Variants in RNF214 observed in about 807,000 individuals in gnomAD.
RNF214 encodes ring finger protein 214.
Under a neutral mutation model 75.9 loss-of-function variants are expected in RNF214, and 25 were observed. The ratio of observed to expected loss-of-function variants is 0.33; its 90% CI spans 0.24 to 0.46. The LOEUF (loss-of-function observed/expected upper bound fraction) is 0.46. RNF214 is among the 20% of genes least tolerant of loss of function. The pLI is 1.00. For missense variants in RNF214, 725 were observed against 857.5 expected (o/e 0.85, Z 1.93); for synonymous variants, 314 against 308.8 (o/e 1.02, Z -0.18).
intron 6 of RNF214, among the ~76,000 whole-genome samples, chr11:117,256,639 A>G (rs548798831): frequency 6.6e-6 from 1 of 152,298 alleles, no homozygotes; most frequent in East Asian, 1.9e-4. Flanking sequence ...CTTACATGGT[A>G]GCCCAGAGCT....
intron 3 of RNF214, 52 bp from the exon 4 acceptor site, chr11:117,239,749 C>G (rs1474489120): frequency 5.1e-6 from 5 of 985,404 alleles, no homozygotes; most frequent in Non-Finnish European, 8.1e-6. Flanking sequence ...GTGATTCTGC[C>G]TCTTTTAAAG....
intron 6 of RNF214, among the ~76,000 whole-genome samples, chr11:117,261,784 T>G (rs976123345): frequency 9.9e-5 from 15 of 151,776 alleles, no homozygotes; most frequent in Non-Finnish European, 1.8e-4. Context: ...TAGCTGGGAT[T>G]ACTGGTGCCT....
At chr11:117,248,836 A>G (rs523366) in intron 6 of RNF214, among the ~76,000 whole-genome samples, 110,038 of 152,200 alleles carry the variant, frequency 0.72, 41,453 homozygotes, top group East Asian at 0.95. Flanking sequence ...TAGCAACTTA[A>G]CAGGAGATAT....
Position 117,250,556 on chromosome 11 carries a change from A to G in RNF214, c.959+3608A>G, listed in dbSNP as rs143387110. On this transcript the variant is annotated intron_variant, in intron 6 of 14. Transcript: ENST00000300650. ...GCAAAAAAAATGCAACAACTGGTAA[A>G]TTTAGATGACAGGTAGACATTCATT... 7.1e-3 allele frequency among the ~76,000 whole-genome samples: 1,075 copies of G among 151,924 alleles called. 9 individuals are homozygous for G. The highest frequency in any genetic ancestry group is 0.023 in the African/African-American group (971 of 41,518).
intron 6 of RNF214, among the ~76,000 whole-genome samples, chr11:117,277,673 C>T (rs1591840699): frequency 6.6e-6 from 1 of 152,316 alleles, no homozygotes. Context: ...AAGTTTCTCT[C>T]ACTGAAGAAA....
intron 6 of RNF214, among the ~76,000 whole-genome samples, chr11:117,252,812 A>G (rs1215985827): frequency 6.6e-6 from 1 of 151,940 alleles, no homozygotes; most frequent in Non-Finnish European, 1.5e-5. Context: ...GAGCCGCCTC[A>G]CCTGGCCTGA....
Position 117,244,511 on chromosome 11 carries a change from C to G in RNF214, c.745C>G (p.Gln249Glu). Reference sequence around the variant, plus strand: ...CCAGGAGGTCCTGGACAAACAGAGGCAAGTGGAGAATCAGCTCCAAGTGCA... The same window carrying G: ...CCAGGAGGTCCTGGACAAACAGAGGGAAGTGGAGAATCAGCTCCAAGTGCA... ...RYQEVLDKQR[Q>E]VENQLQVQLK... Residue 249 changes from glutamine (Q) to glutamate (E), a missense_variant, in exon 5 of 15, where the codon CAA (glutamine) becomes GAA (glutamate). Gln to Glu is a conservative substitution (Grantham distance 29). Transcript: ENST00000300650. 1 of 1,612,596 alleles carries G rather than the reference C, an allele frequency of 6.2e-7. No individual in the cohort carries two copies. The highest frequency in any genetic ancestry group is 8.5e-7 in the Non-Finnish European group (1 of 1,179,096).
At chr11:117,279,786 C>T (rs117013687) in intron 6 of RNF214, 122 bp from the exon 7 acceptor site, 6,858 of 613,908 alleles carry the variant, frequency 0.011, 63 homozygotes, top group Middle Eastern at 0.019. Flanking sequence ...ATAGTTAATA[C>T]TTAGAGTAAG....
rs1161323482 is a variant in RNF214, at chr11:117,254,629, CT to C, written c.959+7693del. ...GCCACCTGACCTCTTCGTTCTTCTT[CT>C]TTTTTTTTTTTGAGACAGAGTCTCG... is the stretch of plus-strand genomic sequence containing the variant. On this transcript the variant is annotated intron_variant, in intron 6 of 14. Coordinates refer to ENST00000300650, the MANE Select transcript of RNF214 (RefSeq NM_207343.4). 4.5e-3 allele frequency among the ~76,000 whole-genome samples: 653 copies of C among 144,566 alleles called. 2 individuals carry two copies. Among genetic ancestry groups the C allele is most frequent in the Middle Eastern group, 0.011 (3 of 276 alleles). The allele number at this position is 144,566 out of a possible 152,430, so 94.8% of individuals were successfully genotyped here. A position where few individuals can be genotyped will look rare whatever the true frequency, so the allele number is the denominator to read the frequency against.
chr11:117,233,983 G>A (rs1244428197), intron 1 of RNF214, among the ~76,000 whole-genome samples: 3 of 152,180 alleles, frequency 2.0e-5, no homozygotes, highest in Non-Finnish European at 4.4e-5. Context: ...AAGATGTATT[G>A]TTTGAAATGA....
chr11:117,258,217 T>C lies in RNF214; in HGVS notation c.959+11269T>C, dbSNP rs927778322. Among the ~76,000 whole-genome samples, 7 of 152,000 alleles carry C rather than the reference T, an allele frequency of 4.6e-5. No homozygotes were observed. The South Asian group carries it at 1.2e-3, about 27-fold the overall frequency. ...CCTAGTAGCAGGGACTACAGGTGCA[T>C]GCCACCACACCCAGCTGATTTTTGT... On this transcript the variant is annotated intron_variant, in intron 6 of 14. Transcript: ENST00000300650.
intron 14 of RNF214, 122 bp from the exon 15 acceptor site, chr11:117,284,964 C>T (rs1379378083): frequency 7.4e-6 from 5 of 672,306 alleles, no homozygotes; most frequent in Non-Finnish European, 1.3e-5. Context: ...AAAAAAAGCC[C>T]CTCTTGTACC....
chr11:117,238,039 G>T (rs1345147011), intron 2 of RNF214, among the ~76,000 whole-genome samples: 2 of 151,956 alleles, frequency 1.3e-5, no homozygotes, highest in Admixed American at 6.6e-5. Context: ...CTAATTCATC[G>T]GTATCCCCAA....
intron 6 of RNF214, among the ~76,000 whole-genome samples, chr11:117,266,261 C>T (rs1279456765): frequency 6.6e-6 from 1 of 152,120 alleles, no homozygotes; most frequent in African/African-American, 2.4e-5. Flanking sequence ...TTTGATTTGC[C>T]CACATGCTGT....
intron 4 of RNF214, among the ~76,000 whole-genome samples, chr11:117,243,384 G>C (rs1348609710): frequency 6.6e-6 from 1 of 152,036 alleles, no homozygotes; most frequent in Non-Finnish European, 1.5e-5. Flanking sequence ...GACCTCAAGT[G>C]ATCCACCCGC....
chr11:117,280,304 T>TTTGA (rs2134420261), intron 8 of RNF214, 45 bp downstream of exon 8: 1 of 1,329,142 alleles, frequency 7.5e-7, no homozygotes. Flanking sequence ...TTGCAGTTTG[T>TTTGA]TTGTTTGTTT....
intron 6 of RNF214, among the ~76,000 whole-genome samples, chr11:117,252,236 G>C (rs2033413818): frequency 6.6e-6 from 1 of 152,204 alleles, no homozygotes; most frequent in South Asian, 2.1e-4. Flanking sequence ...TATTTGACCA[G>C]TTAGGAGACT....
At chr11:117,247,444 G>A (rs1308670724) in intron 6 of RNF214, among the ~76,000 whole-genome samples, 7 of 152,192 alleles carry the variant, frequency 4.6e-5, no homozygotes, top group African/African-American at 7.2e-5. Flanking sequence ...GCAGTCAGCT[G>A]TGATTACGCC....
At position 117,246,091 on chromosome 11, in the gene RNF214, G is replaced by A. The variant is rs936260697; in HGVS notation, c.820-718G>A. ...AGCTATCCTTCCACCTCAGCCTCTC[G>A]AGTATCTGGACTACAGGCATGTGCC... On this transcript the variant is annotated intron_variant, in intron 5 of 14. Transcript: ENST00000300650. 2.6e-5 allele frequency among the ~76,000 whole-genome samples: 4 copies of A among 151,788 alleles called. No individual in the cohort carries two copies. In the East Asian group the frequency reaches 5.8e-4, roughly 22 times the overall value.
Sources: allele counts gnomAD v4.1 joint callset (sites outside exome capture counted in the v4.1 genomes callset), GRCh38; gene constraint gnomAD v4.1.1; transcripts MANE v1.5; gene names NCBI Gene and HGNC (gene_info 2026-07-23, HGNC 2026-07-21).